The following DSG2 variants were observed in gnomAD, a reference collection of about 807,000 sequenced individuals.
The protein encoded by DSG2 is desmoglein-2.
In DSG2, 45 loss-of-function variants were observed where a neutral mutation model predicts 75.6. The observed-to-expected ratio is 0.60, with a 90% CI of 0.47 to 0.76. The LOEUF (loss-of-function observed/expected upper bound fraction) is 0.76, where lower values mean the gene tolerates loss of function less well. Among genes scored for constraint, DSG2 ranks in the 30% least tolerant of loss-of-function variants. The pLI, the probability that DSG2 is intolerant of heterozygous loss-of-function variation, is 0.00. For synonymous variants in DSG2, 429 were observed against 483.9 expected (o/e 0.89, Z 1.49); for missense variants, 1,267 against 1,357.4 (o/e 0.93, Z 1.05).
intron 11 of DSG2, among the ~76,000 whole-genome samples, chr18:31,537,433 C>G (rs1204922176): frequency 6.6e-6 from 1 of 152,080 alleles, no homozygotes; most frequent in Non-Finnish European, 1.5e-5. Context: ...TCCTGGCTAA[C>G]ACGGTGAAAC....
In DSG2 at chr18:31,547,363, A is replaced by G. The variant is rs1208423216; in HGVS notation, c.*620A>G. ...TGACAGTGTGTGTGTGTGCACGTAC[A>G]TACTGTATAGTCTTAAAAATAGCAT... On this transcript the variant is annotated 3_prime_UTR_variant, in exon 15 of 15. Transcript: ENST00000261590. 2 of 169,134 alleles carry G rather than the reference A, an allele frequency of 1.2e-5. No homozygotes were observed. Among genetic ancestry groups the G allele is most frequent in the Non-Finnish European group, 2.6e-5 (2 of 77,616 alleles). 10.5% of individuals were successfully genotyped at this position (169,134 alleles called of 1,614,324 possible). A position where few individuals can be genotyped will look rare whatever the true frequency, so the allele number is the denominator to read the frequency against.
chr18:31,508,220 TAGA>T (rs1355676903), intron 1 of DSG2, among the ~76,000 whole-genome samples: 2 of 152,146 alleles, frequency 1.3e-5, no homozygotes, highest in Non-Finnish European at 1.5e-5. Flanking sequence ...AAAGTTAAAC[TAGA>T]AGAAGAGGTA....
At chr18:31,533,278 G>A (rs1359339183) in intron 9 of DSG2, among the ~76,000 whole-genome samples, 3 of 152,048 alleles carry the variant, frequency 2.0e-5, no homozygotes, top group Non-Finnish European at 4.4e-5. Context: ...AGACCAACCT[G>A]GGCAACACAG....
intron 1 of DSG2, among the ~76,000 whole-genome samples, chr18:31,515,407 A>C (rs559000783): frequency 1.3e-5 from 2 of 152,150 alleles, no homozygotes; most frequent in East Asian, 3.9e-4. Context: ...ACCCGGCCTA[A>C]ATATACTAAA....
chr18:31,517,284 G>T (rs1052820317), intron 1 of DSG2, among the ~76,000 whole-genome samples: 2 of 152,090 alleles, frequency 1.3e-5, no homozygotes, highest in African/African-American at 2.4e-5. Context: ...GGGAGGTGGG[G>T]GAAGAAAAGA....
At chr18:31,513,901 T>A (rs1001703100) in intron 1 of DSG2, among the ~76,000 whole-genome samples, 1 of 152,164 alleles carries the variant, frequency 6.6e-6, no homozygotes, top group Non-Finnish European at 1.5e-5. Context: ...TGCATAATAC[T>A]GATCTAATCG....
At chr18:31,535,743 G>T (rs144704590) in intron 10 of DSG2, among the ~76,000 whole-genome samples, 13 of 150,460 alleles carry the variant, frequency 8.6e-5, no homozygotes, top group African/African-American at 3.2e-4. Flanking sequence ...CGGAGATCGC[G>T]CCAGACAAAG....
intron 6 of DSG2, among the ~76,000 whole-genome samples, chr18:31,523,154 C>T (rs1444357772): frequency 6.6e-6 from 1 of 152,148 alleles, no homozygotes; most frequent in African/African-American, 2.4e-5. Context: ...GTAATGCCAG[C>T]ACTTTGGGAG....
chr18:31,519,079 A>T (rs1230112333), intron 2 of DSG2, among the ~76,000 whole-genome samples: 2 of 152,228 alleles, frequency 1.3e-5, no homozygotes, highest in South Asian at 4.1e-4. Context: ...CTTAAAAAAC[A>T]TTTAGTAATT....
At chr18:31,545,077 A>G (rs2073295774) in intron 14 of DSG2, among the ~76,000 whole-genome samples, 1 of 152,024 alleles carries the variant, frequency 6.6e-6, no homozygotes, top group Non-Finnish European at 1.5e-5. Context: ...TTCCTGTCTC[A>G]CTGCTAAGCT....
intron 1 of DSG2, among the ~76,000 whole-genome samples, chr18:31,507,593 T>C (rs568097794): frequency 6.6e-6 from 1 of 152,316 alleles, no homozygotes; most frequent in East Asian, 1.9e-4. Context: ...GCATCTGTTG[T>C]TTCCTGGCTT....
chr18:31,535,205 G>A, intron 9 of DSG2, 65 bp from the exon 10 acceptor site: 2 of 1,039,308 alleles, frequency 1.9e-6, no homozygotes, highest in Non-Finnish European at 3.0e-6. Context: ...TGAAAGAGCT[G>A]TAGATGTTAG....
At chr18:31,524,982 C>T in intron 8 of DSG2, 94 bp downstream of exon 8, 2 of 1,183,908 alleles carry the variant, frequency 1.7e-6, no homozygotes, top group South Asian at 1.3e-5. Flanking sequence ...AAGTGCTTTA[C>T]ATATTCAATT....
intron 9 of DSG2, among the ~76,000 whole-genome samples, chr18:31,534,240 G>A (rs1399906007): frequency 3.9e-5 from 6 of 152,042 alleles, no homozygotes; most frequent in South Asian, 2.1e-4. Flanking sequence ...CATCCAACTC[G>A]GCTTCCCGAA....
chr18:31,543,099 TAC>T (rs1391909839), intron 14 of DSG2: 6 of 401,366 alleles, frequency 1.5e-5, no homozygotes, highest in Non-Finnish European at 2.2e-5. Context: ...ATTTCTCACT[TAC>T]AGTTATGTTT....
chr18:31,548,807 ATG>A lies in DSG2; in HGVS notation c.*2066_*2067del, dbSNP rs1439613730. ...GTTTTTTGGAAGATTATATTTGTAT[ATG>A]TATCATCATAAAATATTTAAATAAA... On this transcript the variant is annotated 3_prime_UTR_variant, in exon 15 of 15. Coordinates refer to ENST00000261590, the MANE Select transcript of DSG2 (RefSeq NM_001943.5). 2.0e-5 allele frequency: 3 copies of A among 152,172 alleles called. No homozygotes were observed. The East Asian group carries it at 5.8e-4, about 29-fold the overall frequency. The allele number at this position is 152,172 out of a possible 1,614,324, so 9.4% of individuals were successfully genotyped here.
intron 8 of DSG2, among the ~76,000 whole-genome samples, chr18:31,525,796 C>G (rs1428824747): frequency 3.9e-5 from 6 of 152,170 alleles, no homozygotes; most frequent in Admixed American, 1.3e-4. Flanking sequence ...TTAATTGAGT[C>G]AATGGAGGGA....
intron 13 of DSG2, 113 bp downstream of exon 13, chr18:31,541,427 A>G: frequency 7.4e-7 from 1 of 1,354,716 alleles, no homozygotes. Flanking sequence ...TATGGATTTC[A>G]CTCATGTGCC....
rs1568106660 is a variant in DSG2, at chr18:31,524,590, CTAT to C, written c.828+10_828+12del. On this transcript the variant is annotated splice_donor_region_variant and intron_variant, in intron 7 of 14. Transcript: ENST00000261590. Reference sequence around the variant, plus strand: ...CCTGTAGTAGAAAATAAAGTGGTAACTATTATTCTTCTAATAACTGTACCTATT... The same window carrying C: ...CCTGTAGTAGAAAATAAAGTGGTAACTATTCTTCTAATAACTGTACCTATT... 1 of 1,612,920 alleles carries C rather than the reference CTAT, an allele frequency of 6.2e-7. No homozygotes were observed. Among genetic ancestry groups the C allele is most frequent in the Non-Finnish European group, 8.5e-7 (1 of 1,179,034 alleles).
Sources: gnomAD v4.1 joint callset for allele counts (sites outside exome capture counted in the v4.1 genomes callset) on GRCh38, gnomAD v4.1.1 for gene constraint, MANE v1.5 for transcripts, NCBI Gene and HGNC (gene_info 2026-07-23, HGNC 2026-07-21) for gene names.